TRAPPC9: variants seen among roughly 807,000 people sequenced by gnomAD.
TRAPPC9 encodes the protein IKK2 binding protein.
In TRAPPC9, 83 loss-of-function variants were observed where a neutral mutation model predicts 124.0. The observed-to-expected ratio is 0.67, with a 90% CI of 0.56 to 0.80. The LOEUF is 0.80. TRAPPC9 is among the 30% of genes least tolerant of loss of function. TRAPPC9 has a pLI of 0.00. For synonymous variants in TRAPPC9, 638 were observed against 617.5 expected, an observed-to-expected ratio of 1.03 and a Z score of -0.49; for missense variants, 1,302 against 1,508.3, an observed-to-expected ratio of 0.86 and a Z score of 2.27.
Position 140,051,006 on chromosome 8 carries a change from T to G in TRAPPC9, c.2557-26927A>C, listed in dbSNP as rs141170826. ...TTGATGGCTATTTTAGACCTTCAAC[T>G]GCCATTAAGACACAATCTCGTACAG... On this transcript the variant is annotated intron_variant, in intron 17 of 22. Transcript: ENST00000438773. Among the ~76,000 whole-genome samples the G allele has an allele frequency of 2.4e-3, 371 of 152,362 alleles. 3 individuals carry two copies. Among genetic ancestry groups the G allele is most frequent in the African/African-American group, 8.6e-3 (358 of 41,600 alleles).
At chr8:140,171,248 G>A (rs1397704824) in intron 17 of TRAPPC9, among the ~76,000 whole-genome samples, 2 of 151,970 alleles carry the variant, frequency 1.3e-5, no homozygotes, top group Non-Finnish European at 2.9e-5. Context: ...AAACATTACA[G>A]AGACCAAAAA....
intron 15 of TRAPPC9, among the ~76,000 whole-genome samples, chr8:140,271,996 G>GGTA (rs1371412379): frequency 2.3e-4 from 29 of 128,828 alleles, no homozygotes; most frequent in Non-Finnish European, 4.2e-4. Context: ...TGGTGGTGGT[G>GGTA]GTAGTGATGG....
chr8:140,025,276 A>G (rs538637243), intron 17 of TRAPPC9, among the ~76,000 whole-genome samples: 30 of 152,360 alleles, frequency 2.0e-4, no homozygotes, highest in African/African-American at 7.0e-4. Flanking sequence ...AGGACACAGC[A>G]GATCCAGCCC....
intron 9 of TRAPPC9, among the ~76,000 whole-genome samples, chr8:140,350,555 G>A (rs984578532): frequency 2.6e-5 from 4 of 152,092 alleles, no homozygotes; most frequent in African/African-American, 9.7e-5. Flanking sequence ...GGCAGATGGG[G>A]TCTGCTAGCC....
intron 9 of TRAPPC9, among the ~76,000 whole-genome samples, chr8:140,337,520 C>A (rs1173990595): frequency 7.9e-5 from 12 of 152,184 alleles, no homozygotes; most frequent in Admixed American, 7.9e-4. Flanking sequence ...AGGATCAGGA[C>A]TTGTCAATCC....
At chr8:139,920,402 A>C (rs1832435938) in intron 19 of TRAPPC9, among the ~76,000 whole-genome samples, 1 of 152,200 alleles carries the variant, frequency 6.6e-6, no homozygotes, top group Non-Finnish European at 1.5e-5. Context: ...TATTCATTTA[A>C]AGTCTGAAAG....
At chr8:140,081,891 G>A (rs572228617) in intron 17 of TRAPPC9, 1 of 152,470 alleles carries the variant, frequency 6.6e-6, no homozygotes, top group Admixed American at 6.5e-5. Flanking sequence ...GCCTACAGGA[G>A]GAACTCCGTG....
chr8:140,208,150 CAAA>C (rs200326778), intron 17 of TRAPPC9, among the ~76,000 whole-genome samples: 2 of 131,820 alleles, frequency 1.5e-5, no homozygotes, highest in African/African-American at 2.8e-5. Context: ...AACTCTGTCT[CAAA>C]AAAAAAAAAA....
intron 19 of TRAPPC9, among the ~76,000 whole-genome samples, chr8:139,953,008 G>C (rs2035133): frequency 1.3e-5 from 2 of 152,158 alleles, no homozygotes; most frequent in Non-Finnish European, 2.9e-5. Flanking sequence ...AGCCTGAGAC[G>C]CAGGCCAAAC....
In TRAPPC9 at chr8:140,451,029, G is replaced by C. The variant is rs147852978; in HGVS notation, c.345C>G (p.Leu115=). Residue 115 remains leucine, a synonymous_variant, in exon 2 of 23, where the codon CTC becomes CTG. Transcript: ENST00000438773. The part of the protein sequence containing the change: ...IYGSTLYDSR[L]FVFGLQGEIV... ...TCTCCCCCTGCAGCCCGAAGACAAA[G>C]AGCCGGGAGTCATACAGTGTGGAGC... 42 of 1,614,110 alleles carry C rather than the reference G, an allele frequency of 2.6e-5. No individual in the cohort carries two copies. The highest frequency in any genetic ancestry group is 3.2e-5 in the Non-Finnish European group (38 of 1,180,028).
At chr8:140,458,273 C>T, upstream of TRAPPC9, 1 of 1,552,912 alleles carries the variant, frequency 6.4e-7, no homozygotes, top group Non-Finnish European at 8.7e-7. Context: ...TCTGTCCCCG[C>T]CGCTTACCAG....
chr8:140,392,486 T>G lies in TRAPPC9; in HGVS notation c.1134+5134A>C, dbSNP rs556066504. ...TCTTTTCCTTGGATCAAATTCACAA[T>G]TATCTATGTTTATGTTTATCTGCTC... is the stretch of plus-strand genomic sequence containing the variant. On this transcript the variant is annotated intron_variant, in intron 7 of 22. Transcript: ENST00000438773. Among the ~76,000 whole-genome samples, 129 of 152,314 alleles carry G rather than the reference T, an allele frequency of 8.5e-4. 1 individual carries two copies. The highest frequency in any genetic ancestry group is 2.5e-3 in the Admixed American group (39 of 15,298).
At chr8:139,977,404 G>A (rs1183449250) in intron 19 of TRAPPC9, among the ~76,000 whole-genome samples, 2 of 151,924 alleles carry the variant, frequency 1.3e-5, no homozygotes, top group Admixed American at 6.6e-5. Context: ...GGTGGATCAC[G>A]AGGTCAGATC....
chr8:140,285,499 C>T (rs982828216), intron 13 of TRAPPC9, among the ~76,000 whole-genome samples: 1 of 152,144 alleles, frequency 6.6e-6, no homozygotes, highest in East Asian at 1.9e-4. Context: ...AACGCAGCAG[C>T]CCCAATGCCC....
chr8:140,458,022 G>C (rs542917028), upstream of TRAPPC9, among the ~76,000 whole-genome samples: 1 of 124,298 alleles, frequency 8.0e-6, no homozygotes, highest in East Asian at 2.3e-4. Context: ...AGGAGAGTAG[G>C]AGGAGGAGGG....
At chr8:139,809,507 G>T (rs899135930) in intron 21 of TRAPPC9, among the ~76,000 whole-genome samples, 2 of 152,212 alleles carry the variant, frequency 1.3e-5, no homozygotes, top group Admixed American at 6.5e-5. Context: ...TCTCACTGAA[G>T]CAGGGGGCCT....
In TRAPPC9 at chr8:139,907,960, G is replaced by A. The variant is rs935300966; in HGVS notation, c.2964+2187C>T. On this transcript the variant is annotated intron_variant, in intron 20 of 22. Coordinates refer to ENST00000438773, the MANE Select transcript of TRAPPC9 (RefSeq NM_001160372.4). The surrounding 1 kb of genome is among the most constrained non-coding windows in gnomAD (Gnocchi z 4.7). ...GAGTCACAGTTTTCATCTGCAAGAC[G>A]GGAAGACAGGATAATGAAACCGCCC... 3.3e-4 allele frequency among the ~76,000 whole-genome samples: 50 copies of A among 152,260 alleles called. No homozygotes were observed. Among genetic ancestry groups the A allele is most frequent in the African/African-American group, 1.0e-3 (42 of 41,564 alleles).
At chr8:140,202,647 T>C (rs1020847017) in intron 17 of TRAPPC9, among the ~76,000 whole-genome samples, 5 of 152,192 alleles carry the variant, frequency 3.3e-5, no homozygotes, top group African/African-American at 1.2e-4. Context: ...ACTGACATAT[T>C]TGTACTACTG....
chr8:139,981,622 C>A (rs189924302), intron 19 of TRAPPC9, among the ~76,000 whole-genome samples: 1 of 152,200 alleles, frequency 6.6e-6, no homozygotes, highest in African/African-American at 2.4e-5. Context: ...AAGAGACAGG[C>A]GAGAGGAGTA....
Sources: gnomAD v4.1 joint callset for allele counts (sites outside exome capture counted in the v4.1 genomes callset) on GRCh38, gnomAD v4.1.1 for gene constraint, Gnocchi (gnomAD v3.1) non-coding constraint, MANE v1.5 for transcripts, NCBI Gene and HGNC (gene_info 2026-07-23, HGNC 2026-07-21) for gene names.